SHISA9: variants seen among roughly 807,000 people sequenced by gnomAD.
SHISA9 encodes shisa family member 9, also known as protein shisa-9.
In SHISA9, 13 loss-of-function variants were observed where a neutral mutation model predicts 38.0. That is an observed-to-expected ratio of 0.34 (90% CI 0.22 to 0.54). The LOEUF (loss-of-function observed/expected upper bound fraction) is 0.54. SHISA9 is among the 20% of genes least tolerant of loss of function. The pLI is 0.91. For missense variants in SHISA9, 538 were observed against 575.8 expected (o/e 0.93, Z 0.67); for synonymous variants, 275 against 242.0 (o/e 1.14, Z -1.27).
rs1177049862 is a variant in SHISA9 at position 13,003,877 on chromosome 16, T to TAAG, written c.691+87064_691+87065insGAA. On this transcript the variant is annotated intron_variant, in intron 2 of 4. Transcript: ENST00000558583. ...CGTCTCAAAATAATAATAATAATAATAATAATAATAATAAGAAGAAGAAGA... is the reference window on the plus strand; with the variant it reads ...CGTCTCAAAATAATAATAATAATAATAAGAATAATAATAATAAGAAGAAGAAGA... Among the ~76,000 whole-genome samples, 318 of 145,012 alleles carry TAAG rather than the reference T, an allele frequency of 2.2e-3. 1 individual carries two copies. The highest frequency in any genetic ancestry group is 4.4e-3 in the East Asian group (22 of 4,976).
intron 2 of SHISA9, among the ~76,000 whole-genome samples, chr16:12,927,361 C>T (rs908323053): frequency 2.6e-5 from 4 of 152,118 alleles, no homozygotes; most frequent in African/African-American, 9.7e-5. Flanking sequence ...GTTGTGTGCT[C>T]ATACCAAGAC....
chr16:13,313,063 G>A, the SHISA9 span, among the ~76,000 whole-genome samples: 3 of 151,044 alleles, frequency 2.0e-5, no homozygotes, highest in Non-Finnish European at 3.0e-5. Flanking sequence ...AGACCATCCC[G>A]GCTAAAACGG....
chr16:13,069,079 A>G (rs576405951), intron 2 of SHISA9, among the ~76,000 whole-genome samples: 147 of 151,900 alleles, frequency 9.7e-4, no homozygotes, highest in Non-Finnish European at 1.7e-3. Flanking sequence ...GTACATGTGT[A>G]CATGCAATGT....
chr16:12,915,705 C>T (rs532716957), intron 1 of SHISA9, among the ~76,000 whole-genome samples: 47 of 152,224 alleles, frequency 3.1e-4, no homozygotes, highest in African/African-American at 1.0e-3. Flanking sequence ...TACTATGCAG[C>T]GGCTGCAAGG....
At chr16:12,970,481 A>G (rs2072061157) in intron 2 of SHISA9, among the ~76,000 whole-genome samples, 1 of 20,956 alleles carries the variant, frequency 4.8e-5, no homozygotes, top group African/African-American at 1.7e-4. Context: ...ATATATATAT[A>G]TATATATATA....
chr16:13,286,961 T>G, the SHISA9 span, among the ~76,000 whole-genome samples: 1 of 152,322 alleles, frequency 6.6e-6, no homozygotes, highest in African/African-American at 2.4e-5. Flanking sequence ...AAATGGAGTG[T>G]GGGTATATGA....
the SHISA9 span, among the ~76,000 whole-genome samples, chr16:13,333,832 C>T: frequency 1.3e-5 from 2 of 152,130 alleles, no homozygotes; most frequent in Admixed American, 1.3e-4. Flanking sequence ...CCCCTGCTTG[C>T]CGATATAATT....
the SHISA9 span, among the ~76,000 whole-genome samples, chr16:13,481,331 C>T: frequency 1.3e-5 from 2 of 152,140 alleles, no homozygotes; most frequent in African/African-American, 4.8e-5. Context: ...CATTGAAGGT[C>T]TTCTAGCTAT....
the SHISA9 span, among the ~76,000 whole-genome samples, chr16:13,511,905 T>A: frequency 1.3e-5 from 2 of 152,042 alleles, no homozygotes; most frequent in Non-Finnish European, 2.9e-5. Flanking sequence ...CCTAGACACC[T>A]GAGAGTGGCA....
At chr16:13,488,785 G>A in the SHISA9 span, among the ~76,000 whole-genome samples, 562 of 151,960 alleles carry the variant, frequency 3.7e-3, 3 homozygotes, top group African/African-American at 0.013. Flanking sequence ...TTTTGGAGAC[G>A]GAGTCTCACT....
At chr16:13,164,386 A>G (rs967099997) in intron 2 of SHISA9, among the ~76,000 whole-genome samples, 3 of 152,118 alleles carry the variant, frequency 2.0e-5, no homozygotes, top group African/African-American at 7.2e-5. Context: ...TTAGTTTGCT[A>G]TAATTTACTG....
chr16:13,474,754 A>G, the SHISA9 span, among the ~76,000 whole-genome samples: 2 of 152,262 alleles, frequency 1.3e-5, no homozygotes, highest in Non-Finnish European at 2.9e-5. Context: ...CTTTTAAGGT[A>G]AGAAGTCTGA....
Position 13,036,293 on chromosome 16 carries a change from A to G in SHISA9, c.691+119478A>G, listed in dbSNP as rs1426873647. On this transcript the variant is annotated intron_variant, in intron 2 of 4. Transcript: ENST00000558583. ...TACTTGTGTGATATATTTTAACAAC[A>G]ATAGTAAATAAGTTATTGATACATG... 3.3e-5 allele frequency among the ~76,000 whole-genome samples: 5 copies of G among 152,398 alleles called. No homozygotes were observed. In the East Asian group the frequency reaches 9.6e-4, roughly 29 times the overall value.
the SHISA9 span, among the ~76,000 whole-genome samples, chr16:13,326,496 G>A: frequency 1.3e-5 from 2 of 152,182 alleles, no homozygotes; most frequent in Non-Finnish European, 2.9e-5. Context: ...TGAGGTAGGT[G>A]GATCACTTGA....
intron 2 of SHISA9, among the ~76,000 whole-genome samples, chr16:13,168,496 G>A (rs151111274): frequency 1.3e-5 from 2 of 152,290 alleles, no homozygotes; most frequent in East Asian, 3.9e-4. Context: ...ATGTCTACCA[G>A]CAAGGGAAGC....
intron 1 of SHISA9, among the ~76,000 whole-genome samples, chr16:12,913,863 G>T (rs931762677): frequency 6.6e-6 from 1 of 151,906 alleles, no homozygotes; most frequent in Non-Finnish European, 1.5e-5. Flanking sequence ...TGTACGGCTG[G>T]AGAATATTCC....
At chr16:13,360,463 G>A in the SHISA9 span, among the ~76,000 whole-genome samples, 1 of 152,146 alleles carries the variant, frequency 6.6e-6, no homozygotes, top group African/African-American at 2.4e-5. Flanking sequence ...TCTCATGATA[G>A]TAAGTTCTCA....
chr16:12,993,585 G>T (rs996305434), intron 2 of SHISA9, among the ~76,000 whole-genome samples: 5 of 152,136 alleles, frequency 3.3e-5, no homozygotes, highest in Non-Finnish European at 7.4e-5. Flanking sequence ...TCTACCATGG[G>T]CACTGTGTTC....
At chr16:13,507,972 A>C in the SHISA9 span, among the ~76,000 whole-genome samples, 1 of 152,170 alleles carries the variant, frequency 6.6e-6, no homozygotes, top group Non-Finnish European at 1.5e-5. Flanking sequence ...GGAAACTACC[A>C]CCAAGCATAA....
Sources: gnomAD v4.1 joint callset for allele counts (sites outside exome capture counted in the v4.1 genomes callset) on GRCh38, gnomAD v4.1.1 for gene constraint, MANE v1.5 for transcripts, NCBI Gene and HGNC (gene_info 2026-07-23, HGNC 2026-07-21) for gene names.